Variants in ENPP3 observed in about 807,000 individuals in gnomAD.
ENPP3 encodes the protein ectonucleotide pyrophosphatase/phosphodiesterase 3, also known as ectonucleotide pyrophosphatase/phosphodiesterase family member 3.
In ENPP3, 104 loss-of-function variants were observed where a neutral mutation model predicts 117.8. That is an observed-to-expected ratio of 0.88 (90% CI 0.75 to 1.04). ENPP3 has a LOEUF of 1.04. Ranked by LOEUF, ENPP3 falls within the 50% of genes least tolerant of loss-of-function variation. The pLI, the probability that ENPP3 is intolerant of heterozygous loss-of-function variation, is 0.00. For missense variants in ENPP3, 1,026 were observed against 1,051.9 expected (o/e 0.98, Z 0.34); for synonymous variants, 380 against 349.9 (o/e 1.09, Z -0.96).
intron 20 of ENPP3, 114 bp downstream of exon 20, chr6:131,726,314 C>A (rs1031266718): frequency 1.5e-5 from 13 of 880,324 alleles, no homozygotes; most frequent in Admixed American, 1.2e-4. Context: ...AACTCACTGG[C>A]CTGTAGCTTG....
chr6:131,728,944 G>A (rs778827561), intron 20 of ENPP3, among the ~76,000 whole-genome samples: 41 of 152,226 alleles, frequency 2.7e-4, no homozygotes, highest in Non-Finnish European at 5.6e-4. Context: ...GAAAATAAGA[G>A]CAAGAATTGT....
chr6:131,683,545 T>G (rs1779078422), intron 12 of ENPP3, among the ~76,000 whole-genome samples: 1 of 152,164 alleles, frequency 6.6e-6, no homozygotes, highest in South Asian at 2.1e-4. Flanking sequence ...TGTGTATTTT[T>G]TTTTAGTTAT....
rs942750697 is a variant in ENPP3, at chr6:131,694,535, C to A, written c.1412+911C>A. On this transcript the variant is annotated intron_variant, in intron 15 of 24. Transcript: ENST00000357639. ...ATGTAATGCCAGGGGGATAGAATGA[C>A]AATGGCAATACAGTGGCTAAGAGAT... 2.6e-5 allele frequency among the ~76,000 whole-genome samples: 4 copies of A among 152,112 alleles called. No homozygotes were observed. The South Asian group carries it at 8.3e-4, about 32-fold the overall frequency.
intron 15 of ENPP3, among the ~76,000 whole-genome samples, chr6:131,701,894 A>G (rs150578170): frequency 0.097 from 11,572 of 118,792 alleles, 358 homozygotes; most frequent in East Asian, 0.37. Context: ...GAAAAAAAAA[A>G]AAAAGAAAAG....
At chr6:131,682,593 A>C (rs1014247198) in intron 11 of ENPP3, among the ~76,000 whole-genome samples, 3 of 152,208 alleles carry the variant, frequency 2.0e-5, no homozygotes, top group Admixed American at 2.0e-4. Flanking sequence ...TTGTACTCCA[A>C]GTGTTGACTT....
chr6:131,668,757 C>T (rs1778677601), intron 6 of ENPP3, among the ~76,000 whole-genome samples: 1 of 152,176 alleles, frequency 6.6e-6, no homozygotes, highest in Non-Finnish European at 1.5e-5. Flanking sequence ...AACAAAACAT[C>T]TTTCCTGGTC....
intron 23 of ENPP3, among the ~76,000 whole-genome samples, chr6:131,739,057 A>G (rs1780466102): frequency 6.6e-6 from 1 of 152,194 alleles, no homozygotes; most frequent in Non-Finnish European, 1.5e-5. Flanking sequence ...TCACATATAC[A>G]TCAGTTAAAC....
At chr6:131,676,912 G>A (rs542814582) in intron 10 of ENPP3, 111 bp downstream of exon 10, 21 of 694,882 alleles carry the variant, frequency 3.0e-5, no homozygotes, top group Admixed American at 7.6e-5. Flanking sequence ...TCGAAACGAC[G>A]TGGCATTGCC....
At chr6:131,689,670 C>A (rs6909787) in intron 14 of ENPP3, among the ~76,000 whole-genome samples, 7,877 of 152,146 alleles carry the variant, frequency 0.052, 603 homozygotes, top group African/African-American at 0.17. Flanking sequence ...GATCAAGGAG[C>A]AATTTTAACT....
chr6:131,710,817 C>T (rs1779767495), intron 15 of ENPP3: 1 of 1,613,450 alleles, frequency 6.2e-7, no homozygotes, highest in Non-Finnish European at 8.5e-7. Context: ...AAAGCCGACT[C>T]CTAACCGATC....
chr6:131,671,406 A>G (rs1778738797), intron 7 of ENPP3, 79 bp downstream of exon 7: 4 of 855,912 alleles, frequency 4.7e-6, no homozygotes, highest in Non-Finnish European at 1.9e-6. Flanking sequence ...GCAGGAACTG[A>G]CCGAGTTCTG....
chr6:131,646,859 C>T lies in ENPP3; in HGVS notation c.155-3168C>T, dbSNP rs559333554. Among the ~76,000 whole-genome samples the T allele has an allele frequency of 4.7e-5, 7 of 149,906 alleles. No homozygotes were observed. The South Asian group carries it at 8.5e-4, about 18-fold the overall frequency. ...AAAATTCTTTTTCTGCTTCTATCTT[C>T]GATTTGATTTAGAGTATTCATATAC... On this transcript the variant is annotated intron_variant, in intron 2 of 24. Coordinates refer to ENST00000357639, the MANE Select transcript of ENPP3 (RefSeq NM_005021.5).
At chr6:131,737,193 C>T (rs538705935) in intron 21 of ENPP3, among the ~76,000 whole-genome samples, 162 bp from the exon 22 acceptor site, 8 of 152,296 alleles carry the variant, frequency 5.3e-5, no homozygotes, top group Non-Finnish European at 8.8e-5. Flanking sequence ...CCACTACAGG[C>T]ATAAAACTGC....
At chr6:131,745,908 C>G (rs1780626902) in intron 24 of ENPP3, among the ~76,000 whole-genome samples, 1 of 152,080 alleles carries the variant, frequency 6.6e-6, no homozygotes, top group Non-Finnish European at 1.5e-5. Context: ...CACCCGAGAT[C>G]AGGAGTTTAA....
chr6:131,693,840 T>C lies in ENPP3; in HGVS notation c.1412+216T>C, dbSNP rs1779344701. Among the ~76,000 whole-genome samples the C allele has an allele frequency of 2.0e-5, 3 of 152,288 alleles. No individual in the cohort carries two copies. In the South Asian group the frequency reaches 6.2e-4, roughly 32 times the overall value. Reference sequence around the variant, plus strand: ...CTTATCTTAACAATATAGATGAGAATGAGGAGTAAGGCTAAGAGTGTGCCC... The same window carrying C: ...CTTATCTTAACAATATAGATGAGAACGAGGAGTAAGGCTAAGAGTGTGCCC... On this transcript the variant is annotated intron_variant, in intron 15 of 24. Coordinates refer to ENST00000357639, the MANE Select transcript of ENPP3 (RefSeq NM_005021.5).
rs115201999 is a variant in ENPP3 at position 131,677,429 on chromosome 6, A to T, written c.939-439A>T. Among the ~76,000 whole-genome samples, 810 of 152,316 alleles carry T rather than the reference A, an allele frequency of 5.3e-3. 5 individuals are homozygous for T. The highest frequency in any genetic ancestry group is 0.019 in the African/African-American group (772 of 41,576). On this transcript the variant is annotated intron_variant, in intron 10 of 24. Coordinates refer to ENST00000357639, the MANE Select transcript of ENPP3 (RefSeq NM_005021.5). The stretch of plus-strand genomic sequence containing the variant: ...AGTTATAAGGATAGACTCCAAGAGC[A>T]CAAGGTGCTCCATCAAGCCCATACC...
chr6:131,663,373 C>A (rs1269625607), intron 6 of ENPP3, among the ~76,000 whole-genome samples: 1 of 151,592 alleles, frequency 6.6e-6, no homozygotes, highest in Non-Finnish European at 1.5e-5. Context: ...CGGTCCCATA[C>A]ATTATAATGG....
chr6:131,650,326 C>T (rs1778237531), intron 3 of ENPP3, among the ~76,000 whole-genome samples, 177 bp downstream of exon 3: 1 of 151,832 alleles, frequency 6.6e-6, no homozygotes, highest in Admixed American at 6.6e-5. Context: ...TCCAATTGAT[C>T]TTTCCACCTC....
At chr6:131,719,569 T>C (rs1181717338) in intron 16 of ENPP3, among the ~76,000 whole-genome samples, 2 of 152,180 alleles carry the variant, frequency 1.3e-5, no homozygotes, top group African/African-American at 4.8e-5. Context: ...TGGGGTACTA[T>C]GTAATAGTTA....
Sources: allele counts gnomAD v4.1 joint callset (sites outside exome capture counted in the v4.1 genomes callset), GRCh38; gene constraint gnomAD v4.1.1; transcripts MANE v1.5; gene names NCBI Gene and HGNC (gene_info 2026-07-23, HGNC 2026-07-21).